Variants in CSNK1G1 observed in about 807,000 individuals in gnomAD.
CSNK1G1 encodes the protein casein kinase 1 gamma 1.
Under a neutral mutation model 59.6 loss-of-function variants are expected in CSNK1G1, and 22 were observed. The observed-to-expected ratio is 0.37, with a 90% CI of 0.26 to 0.53. The LOEUF (loss-of-function observed/expected upper bound fraction) is 0.53, where lower values mean the gene tolerates loss of function less well. Among genes scored for constraint, CSNK1G1 ranks in the 20% least tolerant of loss-of-function variants. The probability of loss-of-function intolerance (pLI) is 0.89; values close to 1 mark genes in which losing one functional copy is unlikely to be tolerated. For missense variants in CSNK1G1, 384 were observed against 519.5 expected, an observed-to-expected ratio of 0.74 and a Z score of 2.54; for synonymous variants, 179 against 177.1, an observed-to-expected ratio of 1.01 and a Z score of -0.08.
At chr15:64,286,739 T>C (rs1297593583) in intron 2 of CSNK1G1, among the ~76,000 whole-genome samples, 1 of 152,180 alleles carries the variant, frequency 6.6e-6, no homozygotes, top group Non-Finnish European at 1.5e-5. Flanking sequence ...CCCTAGCCTT[T>C]TATTTGAAAG....
At chr15:64,265,999 G>C (rs928580264) in intron 2 of CSNK1G1, 4 of 321,416 alleles carry the variant, frequency 1.2e-5, no homozygotes, top group African/African-American at 8.7e-5. Context: ...TGGGAAGAAT[G>C]TTTGAGTCTA....
chr15:64,286,806 T>C (rs966318361), intron 2 of CSNK1G1, among the ~76,000 whole-genome samples: 1 of 152,174 alleles, frequency 6.6e-6, no homozygotes, highest in Non-Finnish European at 1.5e-5. Flanking sequence ...TACTTTGCAA[T>C]AGTATAATAT....
chr15:64,197,816 G>A (rs556339619), intron 10 of CSNK1G1, among the ~76,000 whole-genome samples: 1 of 152,206 alleles, frequency 6.6e-6, no homozygotes, highest in East Asian at 1.9e-4. Context: ...CGCCAGCCCA[G>A]CATTCCAGGA....
chr15:64,249,575 G>C (rs1891959335), intron 4 of CSNK1G1, among the ~76,000 whole-genome samples: 2 of 152,190 alleles, frequency 1.3e-5, no homozygotes, highest in African/African-American at 4.8e-5. Context: ...ACCTGACTAT[G>C]AGTCAACAGT....
At position 64,254,190 on chromosome 15, in the gene CSNK1G1, TAG is replaced by T. The variant is rs1376052108; in HGVS notation, c.223-2611_223-2610del. 4.0e-5 allele frequency among the ~76,000 whole-genome samples: 6 copies of T among 148,156 alleles called. No individual in the cohort carries two copies. The East Asian group carries it at 1.2e-3, about 29-fold the overall frequency. ...TAAGTATCTAGTGTAGTCAAATTCA[TAG>T]AGACAGACAGAATGGTGGTTGCCAA... On this transcript the variant is annotated intron_variant, in intron 3 of 11. Coordinates refer to ENST00000303052, the MANE Select transcript of CSNK1G1 (RefSeq NM_022048.5).
At chr15:64,234,789 G>A (rs2082593400) in intron 4 of CSNK1G1, among the ~76,000 whole-genome samples, 1 of 152,028 alleles carries the variant, frequency 6.6e-6, no homozygotes, top group African/African-American at 2.4e-5. Flanking sequence ...TCTCTCTTGA[G>A]TGGTGGGCCC....
intron 11 of CSNK1G1, among the ~76,000 whole-genome samples, chr15:64,179,841 C>A (rs964274792): frequency 1.3e-5 from 2 of 152,208 alleles, no homozygotes; most frequent in Non-Finnish European, 2.9e-5. Flanking sequence ...CCCACACTCT[C>A]ATTCACAGAT....
chr15:64,168,333 T>TG lies in CSNK1G1; in HGVS notation c.*3597dup, dbSNP rs1388800341. On this transcript the variant is annotated 3_prime_UTR_variant, in exon 12 of 12. Coordinates refer to ENST00000303052, the MANE Select transcript of CSNK1G1 (RefSeq NM_022048.5). ...GCTGTCAGGATACTCTATCCACCCT[T>TG]GGGGGCAGTCTGGAGTGAGATCTCT... The TG allele has an allele frequency of 6.6e-6, 1 of 152,572 alleles. No individual in the cohort carries two copies. Among genetic ancestry groups the TG allele is most frequent in the Non-Finnish European group, 1.5e-5 (1 of 68,038 alleles). 9.5% of individuals were successfully genotyped at this position (152,572 alleles called of 1,614,324 possible).
chr15:64,209,920 G>A (rs752343145), intron 6 of CSNK1G1, among the ~76,000 whole-genome samples: 2 of 152,036 alleles, frequency 1.3e-5, no homozygotes, highest in Non-Finnish European at 2.9e-5. Flanking sequence ...ACTAGAGGGC[G>A]AAAACTCTCC....
At chr15:64,196,493 C>G (rs545327700) in intron 10 of CSNK1G1, among the ~76,000 whole-genome samples, 7 of 151,868 alleles carry the variant, frequency 4.6e-5, no homozygotes, top group Middle Eastern at 3.4e-3. Flanking sequence ...CTTTTGTCCC[C>G]CAGGCTGGAG....
Position 64,188,553 on chromosome 15 carries a change from C to G in CSNK1G1, c.1108-8099G>C. 5.1e-6 allele frequency: 6 copies of G among 1,167,700 alleles called. No homozygotes were observed. The highest frequency in any genetic ancestry group is 7.3e-6 in the Non-Finnish European group (6 of 817,190). The allele number at this position is 1,167,700 out of a possible 1,614,324, so 72.3% of individuals were successfully genotyped here. A position where few individuals can be genotyped will look rare whatever the true frequency, so the allele number is the denominator to read the frequency against. On this transcript the variant is annotated intron_variant, in intron 10 of 11. Transcript: ENST00000303052. The surrounding 1 kb of genome is among the most constrained non-coding windows in gnomAD (Gnocchi z 4.2). ...AAGGTGAAGCAACAGCAAGCAATAA[C>G]AAAATCAAGTACATTCGTGTCCCTG...
intron 4 of CSNK1G1, among the ~76,000 whole-genome samples, chr15:64,222,436 CCAAAAAAAAAAA>C: frequency 8.7e-6 from 1 of 114,674 alleles, no homozygotes; most frequent in African/African-American, 3.6e-5. Flanking sequence ...AACAACACCA[CCAAAAAAAAAAA>C]AAAAAAAAAA....
At chr15:64,353,815 CAGAG>C (rs1387490433) in intron 1 of CSNK1G1, among the ~76,000 whole-genome samples, 2 of 151,866 alleles carry the variant, frequency 1.3e-5, no homozygotes, top group Non-Finnish European at 2.9e-5. Flanking sequence ...GCCTAAGTGA[CAGAG>C]AAAGACCTTG....
intron 2 of CSNK1G1, among the ~76,000 whole-genome samples, chr15:64,278,447 GAC>G (rs1893922404): frequency 1.8e-5 from 2 of 108,422 alleles, no homozygotes; most frequent in African/African-American, 6.9e-5. Context: ...TTTTTTTTTG[GAC>G]ACAGAGTCTC....
chr15:64,325,091 A>T (rs950909351), intron 1 of CSNK1G1, among the ~76,000 whole-genome samples: 1 of 152,198 alleles, frequency 6.6e-6, no homozygotes, highest in Admixed American at 6.5e-5. Context: ...TTAATAAAGA[A>T]TTCTTTTGTT....
At chr15:64,204,992 A>C in intron 7 of CSNK1G1, 43 bp from the exon 8 acceptor site, 1 of 1,099,934 alleles carries the variant, frequency 9.1e-7, no homozygotes, top group Non-Finnish European at 1.4e-6. Context: ...AAGAGGGCCT[A>C]AACATGGGAG....
At chr15:64,318,955 T>C (rs1202766905) in intron 1 of CSNK1G1, among the ~76,000 whole-genome samples, 1 of 151,816 alleles carries the variant, frequency 6.6e-6, no homozygotes, top group Non-Finnish European at 1.5e-5. Context: ...CAGGCTCAAG[T>C]GATCTCTTGC....
rs1314848189 is a variant in CSNK1G1, at chr15:64,166,415, G to A, written c.*5516C>T. ...GGCTCATTCCTAAAGCCAGCTTGCT[G>A]AGACACTAATTTCAGAAGCTCACTT... On this transcript the variant is annotated 3_prime_UTR_variant, in exon 12 of 12. Coordinates refer to ENST00000303052, the MANE Select transcript of CSNK1G1 (RefSeq NM_022048.5). This position sits in a 1 kb window ranked among gnomAD's most constrained non-coding sequence, Gnocchi z 4.5. The A allele has an allele frequency of 1.3e-5, 2 of 159,352 alleles. No homozygotes were observed. The highest frequency in any genetic ancestry group is 6.5e-5 in the Admixed American group (1 of 15,442). 9.9% of individuals were successfully genotyped at this position (159,352 alleles called of 1,614,324 possible).
At chr15:64,309,341 C>CAG (rs1475825976) in intron 1 of CSNK1G1, among the ~76,000 whole-genome samples, 1 of 149,604 alleles carries the variant, frequency 6.7e-6, no homozygotes, top group Non-Finnish European at 1.5e-5. Context: ...CACACACACA[C>CAG]ACACACACAC....
Sources: allele counts gnomAD v4.1 joint callset (sites outside exome capture counted in the v4.1 genomes callset), GRCh38; gene constraint gnomAD v4.1.1; non-coding constraint Gnocchi (gnomAD v3.1); transcripts MANE v1.5; gene names NCBI Gene and HGNC (gene_info 2026-07-23, HGNC 2026-07-21).